The following MME variants were observed in gnomAD, a reference collection of about 807,000 sequenced individuals.
MME encodes the protein membrane metalloendopeptidase.
A neutral mutation model predicts 113.2 loss-of-function variants in MME; 98 were observed. The observed-to-expected ratio is 0.87, with a 90% CI of 0.74 to 1.02. The LOEUF (loss-of-function observed/expected upper bound fraction) is 1.02. Ranked by LOEUF, MME falls within the 50% of genes least tolerant of loss-of-function variation. The probability of loss-of-function intolerance (pLI) is 0.00; values close to 1 mark genes in which losing one functional copy is unlikely to be tolerated. For missense variants in MME, 836 were observed against 896.0 expected (o/e 0.93, Z 0.86); for synonymous variants, 292 against 300.6 (o/e 0.97, Z 0.30).
intron 3 of MME, among the ~76,000 whole-genome samples, chr3:155,086,175 G>C (rs1576702046): frequency 6.6e-6 from 1 of 152,256 alleles, no homozygotes; most frequent in East Asian, 1.9e-4. Flanking sequence ...TGAGAGAAGA[G>C]TACTATTGAG....
At chr3:155,089,890 G>A in intron 3 of MME, 1 of 450,698 alleles carries the variant, frequency 2.2e-6, no homozygotes, top group South Asian at 1.6e-5. Context: ...AACCCAGGAG[G>A]CAGAGGTTGA....
chr3:155,064,217 A>C (rs1714309321), intron 1 of MME, among the ~76,000 whole-genome samples: 1 of 152,030 alleles, frequency 6.6e-6, no homozygotes, highest in African/African-American at 2.4e-5. Flanking sequence ...TGAACCTGGG[A>C]GGTGGAGGTT....
rs556257471 is a variant in MME, at chr3:155,093,529, G to A, written c.196+8435G>A. 2.6e-5 allele frequency among the ~76,000 whole-genome samples: 4 copies of A among 152,262 alleles called. No homozygotes were observed. In the East Asian group the frequency reaches 7.7e-4, roughly 29 times the overall value. On this transcript the variant is annotated intron_variant, in intron 3 of 22. Transcript: ENST00000360490. ...TGTGTTGGTTTTTCACACAGGTGCT[G>A]CGAGATGTTTTCCTTTTCACCTTAA...
At chr3:155,135,879 T>G (rs996509209) in intron 8 of MME, among the ~76,000 whole-genome samples, 4 of 152,106 alleles carry the variant, frequency 2.6e-5, no homozygotes, top group African/African-American at 9.6e-5. Flanking sequence ...TAGATATTTA[T>G]GTAATGTGTA....
chr3:155,171,764 C>T (rs1482412418), intron 20 of MME, among the ~76,000 whole-genome samples: 1 of 152,130 alleles, frequency 6.6e-6, no homozygotes, highest in East Asian at 1.9e-4. Flanking sequence ...ACTTCCTTGG[C>T]AATTCATTTG....
chr3:155,069,563 A>G (rs1375107620), intron 1 of MME, among the ~76,000 whole-genome samples: 1 of 152,192 alleles, frequency 6.6e-6, no homozygotes, highest in Non-Finnish European at 1.5e-5. Flanking sequence ...ACACCTTCAA[A>G]TAATATTATT....
At chr3:155,135,156 T>C (rs1720525523) in intron 8 of MME, among the ~76,000 whole-genome samples, 1 of 152,176 alleles carries the variant, frequency 6.6e-6, no homozygotes, top group African/African-American at 2.4e-5. Context: ...GTCCCACTTG[T>C]CAATATTTGT....
chr3:155,168,946 G>C, intron 20 of MME, 149 bp downstream of exon 20: 1 of 671,102 alleles, frequency 1.5e-6, no homozygotes. Context: ...AGAAAGAGTG[G>C]TGAATATGCT....
intron 14 of MME, among the ~76,000 whole-genome samples, chr3:155,145,226 G>T (rs1391632710): frequency 6.6e-6 from 1 of 152,086 alleles, no homozygotes; most frequent in Admixed American, 6.6e-5. Flanking sequence ...CTCCTTTCAT[G>T]TCACAGCTGT....
chr3:155,118,894 T>G, intron 8 of MME, 83 bp downstream of exon 8: 1 of 912,730 alleles, frequency 1.1e-6, no homozygotes, highest in Non-Finnish European at 1.7e-6. Flanking sequence ...TAAAGCCAAA[T>G]TAAATTTAGC....
At chr3:155,050,312 T>C (rs111999124) in intron 1 of MME, among the ~76,000 whole-genome samples, 3,892 of 152,316 alleles carry the variant, frequency 0.026, 77 homozygotes, top group South Asian at 0.089. Context: ...CATGTGTCTT[T>C]ATGATAGAAT....
intron 1 of MME, among the ~76,000 whole-genome samples, chr3:155,063,591 A>AAATATATTATATTTGATTATATAATATAT (rs1433133020): frequency 7.8e-5 from 7 of 89,900 alleles, no homozygotes; most frequent in African/African-American, 1.0e-4. Flanking sequence ...TATATATAAT[A>AAATATATTATATTTGATTATATAATATAT]AATATATTAT....
chr3:155,174,375 TGTGTGA>T (rs1262701285), intron 22 of MME, among the ~76,000 whole-genome samples: 56 of 136,716 alleles, frequency 4.1e-4, no homozygotes, highest in Non-Finnish European at 7.2e-4. Context: ...TGTGTGTGTG[TGTGTGA>T]AGGGTAAATG....
At position 155,072,167 on chromosome 3, in the gene MME, C is replaced by CAAAAAAA. The variant is rs71155031; in HGVS notation, c.-10-11972_-10-11966dup. On this transcript the variant is annotated intron_variant, in intron 1 of 22. Coordinates refer to the MME transcript ENST00000492661. The stretch of plus-strand genomic sequence containing the variant: ...TGGGCGACAGAGCGAGACTCCGTCT[C>CAAAAAAA]AAAAAAAAAAAAAAAAAAAAAAAAA... Among the ~76,000 whole-genome samples the CAAAAAAA allele has an allele frequency of 4.5e-4, 29 of 65,046 alleles. 2 individuals are homozygous for CAAAAAAA. Among genetic ancestry groups the CAAAAAAA allele is most frequent in the African/African-American group, 6.4e-4 (9 of 14,008 alleles). 42.7% of individuals were successfully genotyped at this position (65,046 alleles called of 152,430 possible). A position where few individuals can be genotyped will look rare whatever the true frequency, so the allele number is the denominator to read the frequency against.
rs185731984 is a variant in MME at position 155,113,629 on chromosome 3, G to A, written c.197-1365G>A. Reference sequence around the variant, plus strand: ...TGTGGCCAGTGTCAAAGAGTCTTTCGGGAAGTTTGGTTTGTGGAAGATGTG... The same window carrying A: ...TGTGGCCAGTGTCAAAGAGTCTTTCAGGAAGTTTGGTTTGTGGAAGATGTG... On this transcript the variant is annotated intron_variant, in intron 3 of 22. Transcript: ENST00000360490. 3.9e-3 allele frequency among the ~76,000 whole-genome samples: 599 copies of A among 152,202 alleles called. 6 individuals carry two copies. Among genetic ancestry groups the A allele is most frequent in the African/African-American group, 0.014 (573 of 41,522 alleles).
At position 155,057,324 on chromosome 3, in the gene MME, C is replaced by T. The variant is rs1425929365; in HGVS notation, c.-10-26834C>T. Among the ~76,000 whole-genome samples the T allele has an allele frequency of 4.6e-5, 7 of 151,978 alleles. No individual in the cohort carries two copies. The East Asian group carries it at 9.6e-4, about 21-fold the overall frequency. ...CACTTCTCAAAAGAAGACATTTATG[C>T]AGCCAAAAAACACATGAAAAAATGC... On this transcript the variant is annotated intron_variant, in intron 1 of 22. Transcript: ENST00000492661.
intron 1 of MME, among the ~76,000 whole-genome samples, chr3:155,074,163 T>G (rs923566525): frequency 6.6e-6 from 1 of 152,090 alleles, no homozygotes; most frequent in African/African-American, 2.4e-5. Flanking sequence ...CTCTGGTCAT[T>G]TTTATGTACT....
At chr3:155,026,842 C>A (rs989740689) in intron 1 of MME, among the ~76,000 whole-genome samples, 2 of 152,098 alleles carry the variant, frequency 1.3e-5, no homozygotes, top group Admixed American at 6.5e-5. Flanking sequence ...TGTAGAAACA[C>A]AAATGTCCAG....
chr3:155,075,525 T>C (rs939924650), upstream of MME, among the ~76,000 whole-genome samples: 1 of 152,232 alleles, frequency 6.6e-6, no homozygotes, highest in African/African-American at 2.4e-5. Context: ...GATTGACTTA[T>C]GTTTAATTTT....
Sources: allele counts gnomAD v4.1 joint callset (sites outside exome capture counted in the v4.1 genomes callset), GRCh38; gene constraint gnomAD v4.1.1; transcripts MANE v1.5; gene names NCBI Gene and HGNC (gene_info 2026-07-23, HGNC 2026-07-21).